Variants in PTPN11 observed in about 807,000 individuals in gnomAD.
PTPN11 encodes protein tyrosine phosphatase non-receptor type 11.
In PTPN11, 6 loss-of-function variants were observed where a neutral mutation model predicts 78.8. That is an observed-to-expected ratio of 0.08 (90% CI 0.04 to 0.15). The LOEUF (loss-of-function observed/expected upper bound fraction) is 0.15. PTPN11 is among the 10% of genes least tolerant of loss of function. The pLI is 1.00. For synonymous variants in PTPN11, 221 were observed against 263.5 expected, an observed-to-expected ratio of 0.84 and a Z score of 1.56; for missense variants, 386 against 744.8, an observed-to-expected ratio of 0.52 and a Z score of 5.61.
chr12:112,496,804 A>G lies in PTPN11; in HGVS notation c.1600-5340A>G, dbSNP rs2038819810. Among the ~76,000 whole-genome samples, 3 of 152,252 alleles carry G rather than the reference A, an allele frequency of 2.0e-5. No homozygotes were observed. The South Asian group carries it at 6.2e-4, about 31-fold the overall frequency. On this transcript the variant is annotated intron_variant, in intron 13 of 15. Transcript: ENST00000351677. ...TGTTTGAAGGAAATACATACAACACAGGTAGCGTCTCTACACTTCAGTATA... is the reference window on the plus strand; with the variant it reads ...TGTTTGAAGGAAATACATACAACACGGGTAGCGTCTCTACACTTCAGTATA...
chr12:112,450,237 C>G, intron 2 of PTPN11, 81 bp from the exon 3 acceptor site: 3 of 1,324,096 alleles, frequency 2.3e-6, no homozygotes, highest in Non-Finnish European at 2.2e-6. Flanking sequence ...AGGTAAAATC[C>G]GACGTGGAAG....
chr12:112,483,716 C>T (rs992647985), intron 10 of PTPN11, among the ~76,000 whole-genome samples: 6 of 152,136 alleles, frequency 3.9e-5, no homozygotes, highest in African/African-American at 1.4e-4. Context: ...AGGGATTGAA[C>T]TAGGCCAGTG....
At chr12:112,441,700 C>T (rs993088880) in intron 1 of PTPN11, among the ~76,000 whole-genome samples, 1 of 152,146 alleles carries the variant, frequency 6.6e-6, no homozygotes, top group African/African-American at 2.4e-5. Flanking sequence ...ATTCTATTAG[C>T]TTAGAAAGGT....
At chr12:112,471,454 AAGAGAGAGAG>A (rs56070053) in intron 6 of PTPN11, among the ~76,000 whole-genome samples, 11 of 126,352 alleles carry the variant, frequency 8.7e-5, no homozygotes, top group East Asian at 2.3e-4. Context: ...GATAAACAGA[AAGAGAGAGAG>A]AGAGAGAGAG....
At chr12:112,460,592 C>G (rs1197548133) in intron 6 of PTPN11, among the ~76,000 whole-genome samples, 5 of 152,106 alleles carry the variant, frequency 3.3e-5, no homozygotes, top group Admixed American at 6.6e-5. Flanking sequence ...GGCTGTCATT[C>G]CAGCACTTTG....
chr12:112,457,346 T>G, intron 6 of PTPN11: 1 of 273,914 alleles, frequency 3.7e-6, no homozygotes, highest in South Asian at 2.8e-5. Context: ...GGACATGAAC[T>G]CATTCTTTTT....
chr12:112,419,138 G>T lies in PTPN11; in HGVS notation c.14+13G>T. On this transcript the variant is annotated intron_variant, in intron 1 of 15. Coordinates refer to ENST00000351677, the MANE Select transcript of PTPN11 (RefSeq NM_002834.5). ...TGACATCGCGGAGGTGAGGAGCCCC[G>T]AGGGGCCCGGCGCGGGCCTCGGCCC... The T allele has an allele frequency of 6.6e-7, 1 of 1,511,764 alleles. No homozygotes were observed. The highest frequency in any genetic ancestry group is 8.8e-7 in the Non-Finnish European group (1 of 1,133,264). 93.6% of individuals were successfully genotyped at this position (1,511,764 alleles called of 1,614,324 possible).
chr12:112,492,673 A>G (rs2038761534), intron 13 of PTPN11, among the ~76,000 whole-genome samples: 1 of 151,890 alleles, frequency 6.6e-6, no homozygotes, highest in Non-Finnish European at 1.5e-5. Flanking sequence ...GCCCGCCATC[A>G]CACCTGGCTA....
intron 1 of PTPN11, among the ~76,000 whole-genome samples, chr12:112,432,948 C>T (rs2037735839): frequency 2.0e-5 from 3 of 152,072 alleles, no homozygotes; most frequent in African/African-American, 7.2e-5. Flanking sequence ...GAAACCTCCA[C>T]CTCCTGGGTT....
At chr12:112,455,242 T>G (rs1172610748) in intron 5 of PTPN11, among the ~76,000 whole-genome samples, 1 of 148,746 alleles carries the variant, frequency 6.7e-6, no homozygotes, top group African/African-American at 2.5e-5. Flanking sequence ...CTTTTTTTTT[T>G]TTTTTTTTTT....
chr12:112,453,157 G>A, intron 3 of PTPN11, 38 bp from the exon 4 acceptor site: 1 of 1,558,128 alleles, frequency 6.4e-7, no homozygotes, highest in Admixed American at 1.7e-5. Context: ...TGAACCCATA[G>A]TAGAGCTAAA....
intron 1 of PTPN11, among the ~76,000 whole-genome samples, chr12:112,425,090 G>T (rs1032036091): frequency 5.3e-5 from 8 of 151,420 alleles, no homozygotes; most frequent in Non-Finnish European, 8.8e-5. Flanking sequence ...CTGAGCTCAG[G>T]TGATCCACCC....
chr12:112,472,324 G>T (rs1013844423), intron 6 of PTPN11, among the ~76,000 whole-genome samples: 2 of 152,048 alleles, frequency 1.3e-5, no homozygotes, highest in Admixed American at 6.6e-5. Context: ...GCAAGTGTAT[G>T]ATTACATCAT....
intron 6 of PTPN11, among the ~76,000 whole-genome samples, chr12:112,467,490 T>G (rs923727419): frequency 6.6e-6 from 1 of 152,032 alleles, no homozygotes; most frequent in East Asian, 1.9e-4. Flanking sequence ...AGCCACGCTC[T>G]TTTTTTAATT....
intron 13 of PTPN11, among the ~76,000 whole-genome samples, chr12:112,500,367 A>T (rs1176144518): frequency 6.6e-6 from 1 of 152,220 alleles, no homozygotes; most frequent in African/African-American, 2.4e-5. Context: ...TCAGTGCTAA[A>T]CATTTACGAC....
At chr12:112,503,763 C>T (rs988550979) in intron 14 of PTPN11, among the ~76,000 whole-genome samples, 9 of 152,238 alleles carry the variant, frequency 5.9e-5, no homozygotes, top group Middle Eastern at 6.8e-3. Context: ...CTTTCATTCC[C>T]GTCGTCTCCC....
intron 1 of PTPN11, among the ~76,000 whole-genome samples, chr12:112,422,827 G>A (rs2037545176): frequency 6.6e-6 from 1 of 152,194 alleles, no homozygotes; most frequent in Admixed American, 6.6e-5. Flanking sequence ...AGACTGTTAT[G>A]AGTGGCACAT....
At chr12:112,461,924 CATA>C (rs1489706827) in intron 6 of PTPN11, among the ~76,000 whole-genome samples, 3 of 152,270 alleles carry the variant, frequency 2.0e-5, no homozygotes, top group African/African-American at 7.2e-5. Flanking sequence ...TTCTTGAAGC[CATA>C]ATAAGATTAT....
chr12:112,469,161 T>C (rs1386715547), intron 6 of PTPN11, among the ~76,000 whole-genome samples: 1 of 152,204 alleles, frequency 6.6e-6, no homozygotes, highest in Non-Finnish European at 1.5e-5. Context: ...GGTCTGGAAC[T>C]CTGAATTTAG....
Sources: allele counts gnomAD v4.1 joint callset (sites outside exome capture counted in the v4.1 genomes callset), GRCh38; gene constraint gnomAD v4.1.1; transcripts MANE v1.5; gene names NCBI Gene and HGNC (gene_info 2026-07-23, HGNC 2026-07-21).